STK3: variants seen among roughly 807,000 people sequenced by gnomAD.
STK3 encodes serine/threonine-protein kinase 3.
A neutral mutation model predicts 58.0 loss-of-function variants in STK3; 41 were observed. The ratio of observed to expected loss-of-function variants is 0.71; its 90% confidence interval spans 0.55 to 0.92. The LOEUF is 0.92. Among genes scored for constraint, STK3 ranks in the 40% least tolerant of loss-of-function variants. STK3 has a pLI of 0.00. For synonymous variants in STK3, 170 were observed against 191.0 expected (o/e 0.89, Z 0.91); for missense variants, 479 against 602.7 (o/e 0.79, Z 2.15).
chr8:98,460,732 T>A (rs1045500530), intron 10 of STK3, among the ~76,000 whole-genome samples: 3 of 152,112 alleles, frequency 2.0e-5, no homozygotes, highest in African/African-American at 7.2e-5. Flanking sequence ...TCTGATGGGT[T>A]TATGAGGGGC....
chr8:98,701,631 T>A (rs56191023), intron 6 of STK3, among the ~76,000 whole-genome samples: 49,934 of 121,368 alleles, frequency 0.41, 8,780 homozygotes, highest in East Asian at 0.52. Flanking sequence ...CAAAAAAAAA[T>A]ATATATATAT....
downstream of STK3, chr8:98,878,878 G>T (rs1265460635): frequency 1.3e-5 from 2 of 149,938 alleles, no homozygotes; most frequent in South Asian, 2.1e-4. Context: ...TATTGATAGA[G>T]AATTATTTTC....
chr8:98,462,197 TA>T (rs1820040850), intron 10 of STK3, among the ~76,000 whole-genome samples: 1 of 152,224 alleles, frequency 6.6e-6, no homozygotes, highest in Non-Finnish European at 1.5e-5. Context: ...TTTTATTTTT[TA>T]TTTTTTTTGA....
chr8:98,871,770 C>T (rs1235991830), intron 3 of STK3, among the ~76,000 whole-genome samples: 1 of 152,058 alleles, frequency 6.6e-6, no homozygotes, highest in Non-Finnish European at 1.5e-5. Flanking sequence ...TCTAAATATA[C>T]AATCATGTCA....
At chr8:98,475,034 A>G (rs1586652275) in intron 10 of STK3, among the ~76,000 whole-genome samples, 1 of 152,202 alleles carries the variant, frequency 6.6e-6, no homozygotes, top group East Asian at 1.9e-4. Flanking sequence ...GTTTGTCATC[A>G]CGGTGACATA....
chr8:98,593,060 G>A (rs1287413276), intron 7 of STK3, among the ~76,000 whole-genome samples: 1 of 152,102 alleles, frequency 6.6e-6, no homozygotes, highest in Non-Finnish European at 1.5e-5. Context: ...CACGGTGCCT[G>A]GCCACTTACT....
chr8:98,657,227 GGTACTGTGGTAA>G (rs1308440679), intron 6 of STK3, among the ~76,000 whole-genome samples: 1 of 151,984 alleles, frequency 6.6e-6, no homozygotes, highest in Non-Finnish European at 1.5e-5. Context: ...CTAAGTGCCA[GGTACTGTGGTAA>G]GTACTGGACA....
chr8:98,586,134 T>C (rs1447974725), intron 7 of STK3, among the ~76,000 whole-genome samples: 4 of 152,036 alleles, frequency 2.6e-5, no homozygotes, highest in Non-Finnish European at 5.9e-5. Flanking sequence ...CAACACTATG[T>C]TGAATAGGAG....
At chr8:98,635,686 T>TA (rs1205672133) in intron 6 of STK3, among the ~76,000 whole-genome samples, 1 of 152,134 alleles carries the variant, frequency 6.6e-6, no homozygotes, top group Non-Finnish European at 1.5e-5. Flanking sequence ...CATTATTAAG[T>TA]AAAAAAACAC....
At chr8:98,927,465 T>C (rs1159025583) in intron 1 of STK3, among the ~76,000 whole-genome samples, 2 of 152,234 alleles carry the variant, frequency 1.3e-5, no homozygotes, top group African/African-American at 4.8e-5. Flanking sequence ...GAGCCAAATC[T>C]TCTATGGAAG....
At chr8:98,703,209 T>G (rs2081948287) in intron 6 of STK3, among the ~76,000 whole-genome samples, 1 of 152,184 alleles carries the variant, frequency 6.6e-6, no homozygotes, top group Non-Finnish European at 1.5e-5. Context: ...CTCCTCCACT[T>G]GCACTGAGTT....
At chr8:98,540,448 T>C (rs1250988027) in intron 9 of STK3, among the ~76,000 whole-genome samples, 2 of 152,216 alleles carry the variant, frequency 1.3e-5, no homozygotes, top group Non-Finnish European at 2.9e-5. Flanking sequence ...TGCTCCAGCC[T>C]GTGGTGATCT....
intron 6 of STK3, among the ~76,000 whole-genome samples, chr8:98,646,350 C>T (rs570340789): frequency 5.9e-5 from 9 of 152,316 alleles, no homozygotes; most frequent in Non-Finnish European, 1.0e-4. Flanking sequence ...CCTTTTCTCA[C>T]TTAGTATCTT....
At chr8:98,689,161 AATTG>A (rs1403736176) in intron 6 of STK3, among the ~76,000 whole-genome samples, 2 of 152,182 alleles carry the variant, frequency 1.3e-5, no homozygotes, top group Non-Finnish European at 2.9e-5. Flanking sequence ...ATCTAGAGGA[AATTG>A]ATTAATTCCT....
intron 6 of STK3, among the ~76,000 whole-genome samples, chr8:98,700,580 A>C (rs937021134): frequency 3.3e-5 from 5 of 152,220 alleles, no homozygotes; most frequent in Admixed American, 2.0e-4. Context: ...ATGTGAGTTA[A>C]ATTTCCAGAA....
intron 8 of STK3, among the ~76,000 whole-genome samples, chr8:98,565,322 G>C (rs1812385694): frequency 1.3e-5 from 2 of 152,148 alleles, no homozygotes; most frequent in South Asian, 4.2e-4. Flanking sequence ...AAGCTCAAAT[G>C]ATATAGCAAT....
At chr8:98,656,690 T>G (rs1821561805) in intron 6 of STK3, among the ~76,000 whole-genome samples, 1 of 152,136 alleles carries the variant, frequency 6.6e-6, no homozygotes, top group Non-Finnish European at 1.5e-5. Flanking sequence ...ATTTCAAAAA[T>G]TCTTATTTAG....
intron 9 of STK3, among the ~76,000 whole-genome samples, chr8:98,531,071 T>C (rs558001456): frequency 1.3e-5 from 2 of 152,358 alleles, no homozygotes; most frequent in South Asian, 4.1e-4. Flanking sequence ...AATGGACTTC[T>C]TCCAACCTCC....
the STK3 span, among the ~76,000 whole-genome samples, chr8:98,354,394 A>G: frequency 6.6e-6 from 1 of 152,204 alleles, no homozygotes; most frequent in Non-Finnish European, 1.5e-5. Context: ...TTCCTTCACC[A>G]GCTTCCAGAA....
Sources: allele counts gnomAD v4.1 joint callset (sites outside exome capture counted in the v4.1 genomes callset), GRCh38; gene constraint gnomAD v4.1.1; transcripts MANE v1.5; gene names NCBI Gene and HGNC (gene_info 2026-07-23, HGNC 2026-07-21).